GPHN: variants seen among roughly 807,000 people sequenced by gnomAD.
The protein encoded by GPHN is gephyrin.
In GPHN, 17 loss-of-function variants were observed where a neutral mutation model predicts 95.5. The observed-to-expected ratio is 0.18, with a 90% CI of 0.12 to 0.27. The LOEUF (loss-of-function observed/expected upper bound fraction) is 0.27. GPHN is among the 10% of genes least tolerant of loss of function. GPHN has a pLI of 1.00. For missense variants in GPHN, 660 were observed against 978.1 expected (o/e 0.67, Z 4.34); for synonymous variants, 320 against 322.5 (o/e 0.99, Z 0.08).
chr14:66,764,337 T>G (rs971822390), intron 2 of GPHN, among the ~76,000 whole-genome samples: 2 of 152,090 alleles, frequency 1.3e-5, no homozygotes, highest in African/African-American at 2.4e-5. Context: ...GGAGGGAAGG[T>G]GTTCTGAAAC....
intron 10 of GPHN, among the ~76,000 whole-genome samples, chr14:67,056,615 C>G (rs1445589339): frequency 6.6e-6 from 1 of 152,234 alleles, no homozygotes. Context: ...TCCAGCTAGA[C>G]ATAAAAGTTC....
the GPHN span, among the ~76,000 whole-genome samples, chr14:67,192,981 G>A: frequency 2.6e-4 from 38 of 143,500 alleles, no homozygotes; most frequent in African/African-American, 9.4e-4. Flanking sequence ...TCTAGATATA[G>A]ATCTCTCTAT....
intron 4 of GPHN, among the ~76,000 whole-genome samples, chr14:66,866,264 C>G (rs10131292): frequency 6.7e-6 from 1 of 148,632 alleles, no homozygotes; most frequent in African/African-American, 2.4e-5. Flanking sequence ...ATGAGTAACT[C>G]TTTTTTTTAA....
At chr14:67,568,040 G>C in the GPHN span, among the ~76,000 whole-genome samples, 1 of 152,190 alleles carries the variant, frequency 6.6e-6, no homozygotes, top group African/African-American at 2.4e-5. Context: ...CTGCATGGGG[G>C]TGCTGGAGTC....
the GPHN span, among the ~76,000 whole-genome samples, chr14:67,304,698 T>C: frequency 1.2e-4 from 19 of 152,332 alleles, no homozygotes; most frequent in Non-Finnish European, 4.4e-5. Flanking sequence ...GGCATAAGTA[T>C]GTTTTAAAAT....
At chr14:67,019,342 G>A (rs1331313130) in intron 9 of GPHN, among the ~76,000 whole-genome samples, 1 of 152,138 alleles carries the variant, frequency 6.6e-6, no homozygotes, top group Non-Finnish European at 1.5e-5. Context: ...GGCCAGTAAA[G>A]TCATGTTTAA....
chr14:67,178,232 C>A (rs931963692), intron 21 of GPHN, among the ~76,000 whole-genome samples: 1 of 152,176 alleles, frequency 6.6e-6, no homozygotes, highest in African/African-American at 2.4e-5. Flanking sequence ...GTGCTTCCTT[C>A]AGGAGTTCTT....
intron 1 of GPHN, among the ~76,000 whole-genome samples, chr14:66,627,254 T>C (rs1274966646): frequency 6.6e-6 from 1 of 152,044 alleles, no homozygotes; most frequent in Non-Finnish European, 1.5e-5. Context: ...ATTTGTTGTT[T>C]TATATTCCCT....
the GPHN span, among the ~76,000 whole-genome samples, chr14:67,430,468 AAG>A: frequency 3.3e-5 from 5 of 152,224 alleles, no homozygotes; most frequent in Middle Eastern, 6.3e-3. Context: ...GTAAAGCAGA[AAG>A]AGCCTTCCCA....
chr14:66,787,666 T>C (rs1219058487), intron 3 of GPHN, among the ~76,000 whole-genome samples: 3 of 151,934 alleles, frequency 2.0e-5, no homozygotes, highest in African/African-American at 7.2e-5. Flanking sequence ...GAACCTATAA[T>C]AGGCTTATAC....
the GPHN span, among the ~76,000 whole-genome samples, chr14:67,283,821 G>A: frequency 6.6e-6 from 1 of 152,154 alleles, no homozygotes; most frequent in African/African-American, 2.4e-5. Context: ...TTCAGTCTTT[G>A]ACACAATACG....
At chr14:66,562,844 G>T (rs1307472796) in intron 1 of GPHN, among the ~76,000 whole-genome samples, 3 of 152,014 alleles carry the variant, frequency 2.0e-5, no homozygotes, top group Non-Finnish European at 4.4e-5. Flanking sequence ...GTAGAGAGGA[G>T]GAGGGCAGAG....
chr14:66,858,684 A>G (rs1232577130), intron 4 of GPHN, among the ~76,000 whole-genome samples: 4 of 152,086 alleles, frequency 2.6e-5, no homozygotes, highest in South Asian at 2.1e-4. Flanking sequence ...AGGGGAGTAG[A>G]GCACCAAGTG....
the GPHN span, among the ~76,000 whole-genome samples, chr14:67,731,529 C>A: frequency 6.6e-6 from 1 of 151,888 alleles, no homozygotes; most frequent in Non-Finnish European, 1.5e-5. Context: ...CATCATATTT[C>A]TATTGGACAG....
chr14:67,105,419 C>G (rs1193128602), intron 13 of GPHN, among the ~76,000 whole-genome samples: 1 of 152,078 alleles, frequency 6.6e-6, no homozygotes, highest in Non-Finnish European at 1.5e-5. Context: ...TTGTCCAATG[C>G]TGAGAGTAGG....
intron 1 of GPHN, among the ~76,000 whole-genome samples, chr14:66,530,643 C>T (rs535079301): frequency 2.4e-4 from 36 of 152,300 alleles, no homozygotes; most frequent in Middle Eastern, 3.4e-3. Flanking sequence ...AGGGAGTGTA[C>T]GGTCTACTGA....
At chr14:67,278,952 G>A in the GPHN span, 1 of 411,952 alleles carries the variant, frequency 2.4e-6, no homozygotes. Context: ...TTAGAAGTGG[G>A]CTCTGTAAAA....
intron 11 of GPHN, among the ~76,000 whole-genome samples, chr14:67,084,632 C>T (rs965652859): frequency 6.6e-6 from 1 of 152,122 alleles, no homozygotes; most frequent in African/African-American, 2.4e-5. Context: ...TCAGCCAGGC[C>T]CTACGGGTAT....
chr14:67,294,181 A>G, the GPHN span, among the ~76,000 whole-genome samples: 1 of 152,126 alleles, frequency 6.6e-6, no homozygotes, highest in South Asian at 2.1e-4. Flanking sequence ...TATAAAGGAG[A>G]TTTTCTGAAA....
Sources: gnomAD v4.1 joint callset for allele counts (sites outside exome capture counted in the v4.1 genomes callset) on GRCh38, gnomAD v4.1.1 for gene constraint, MANE v1.5 for transcripts, NCBI Gene and HGNC (gene_info 2026-07-23, HGNC 2026-07-21) for gene names.